PIK3C2G: variants seen among roughly 807,000 people sequenced by gnomAD.
PIK3C2G encodes the protein phosphatidylinositol 3-kinase C2 domain-containing subunit gamma.
In PIK3C2G, 168 loss-of-function variants were observed where a neutral mutation model predicts 181.1. The ratio of observed to expected loss-of-function variants is 0.93; its 90% confidence interval spans 0.82 to 1.05. The LOEUF is 1.05. PIK3C2G is among the 50% of genes least tolerant of loss of function. PIK3C2G has a pLI of 0.00. For missense variants in PIK3C2G, 1,869 were observed against 1,732.8 expected (o/e 1.08, Z -1.40); for synonymous variants, 573 against 592.2 (o/e 0.97, Z 0.47).
the PIK3C2G span, among the ~76,000 whole-genome samples, chr12:18,720,039 T>G: frequency 6.6e-6 from 1 of 152,118 alleles, no homozygotes; most frequent in African/African-American, 2.4e-5. Flanking sequence ...GTATATCAAC[T>G]GATCTGACTT....
At chr12:18,313,612 AAACT>A (rs1287785231) in intron 5 of PIK3C2G, among the ~76,000 whole-genome samples, 3 of 152,110 alleles carry the variant, frequency 2.0e-5, no homozygotes, top group Non-Finnish European at 4.4e-5. Context: ...TGGCTGGGTA[AAACT>A]AACTTAGAAT....
chr12:18,653,191 G>A (rs966012511), downstream of PIK3C2G, among the ~76,000 whole-genome samples: 4 of 152,108 alleles, frequency 2.6e-5, no homozygotes, highest in African/African-American at 9.7e-5. Flanking sequence ...TCCCAGCATT[G>A]GCAGCATGGT....
At chr12:18,443,970 C>T (rs1405239995) in intron 18 of PIK3C2G, among the ~76,000 whole-genome samples, 1 of 149,726 alleles carries the variant, frequency 6.7e-6, no homozygotes, top group Non-Finnish European at 1.5e-5. Flanking sequence ...TATGCAAATA[C>T]TCCAGGCCTG....
intron 11 of PIK3C2G, among the ~76,000 whole-genome samples, chr12:18,352,619 G>A (rs1037046923): frequency 7.9e-5 from 12 of 152,330 alleles, no homozygotes; most frequent in African/African-American, 1.9e-4. Context: ...CCTCTGCATC[G>A]CGAGCTGTTG....
At chr12:18,522,212 C>T (rs979125170) in intron 24 of PIK3C2G, among the ~76,000 whole-genome samples, 1 of 152,210 alleles carries the variant, frequency 6.6e-6, no homozygotes, top group Non-Finnish European at 1.5e-5. Flanking sequence ...TAATTTGTAT[C>T]TCTTAACAAT....
At chr12:18,630,556 T>C (rs1159789292) in intron 31 of PIK3C2G, among the ~76,000 whole-genome samples, 1 of 150,642 alleles carries the variant, frequency 6.6e-6, no homozygotes, top group Non-Finnish European at 1.5e-5. Flanking sequence ...GAATAACCAA[T>C]GGAGCAAAGC....
In PIK3C2G at chr12:18,648,348, A is replaced by G. The variant is rs1353201670; in HGVS notation, c.*320A>G. ...ACATTTGTTTTAATTGTGTGCCTAC[A>G]GTTAAAAGCAGTATTTTTAATGTAT... On this transcript the variant is annotated 3_prime_UTR_variant, in exon 33 of 33. Coordinates refer to ENST00000538779, the MANE Select transcript of PIK3C2G (RefSeq NM_001288772.2). 1 of 227,650 alleles carries G rather than the reference A, an allele frequency of 4.4e-6. No individual in the cohort carries two copies. Among genetic ancestry groups the G allele is most frequent in the African/African-American group, 2.2e-5 (1 of 45,042 alleles). 14.1% of individuals were successfully genotyped at this position (227,650 alleles called of 1,614,324 possible).
intron 26 of PIK3C2G, among the ~76,000 whole-genome samples, chr12:18,555,106 T>C (rs1434356238): frequency 6.6e-6 from 1 of 152,142 alleles, no homozygotes; most frequent in Non-Finnish European, 1.5e-5. Flanking sequence ...ATGAGAAATA[T>C]TTTCCTGTGA....
intron 18 of PIK3C2G, among the ~76,000 whole-genome samples, chr12:18,439,642 A>C (rs905780723): frequency 6.6e-6 from 1 of 151,938 alleles, no homozygotes; most frequent in Admixed American, 6.6e-5. Context: ...CACTTGCAAA[A>C]TGTCTCATGA....
chr12:18,617,816 C>T (rs1181338134), intron 31 of PIK3C2G, among the ~76,000 whole-genome samples: 1 of 152,052 alleles, frequency 6.6e-6, no homozygotes, highest in Non-Finnish European at 1.5e-5. Flanking sequence ...CATTACCTAG[C>T]TAAATGAAAG....
chr12:18,327,145 T>C (rs1307246739), intron 8 of PIK3C2G, among the ~76,000 whole-genome samples: 1 of 152,104 alleles, frequency 6.6e-6, no homozygotes, highest in Non-Finnish European at 1.5e-5. Flanking sequence ...TAAATTATTT[T>C]ATAAATAGGT....
intron 30 of PIK3C2G, among the ~76,000 whole-genome samples, chr12:18,605,209 A>G (rs1947953749): frequency 6.6e-6 from 1 of 152,202 alleles, no homozygotes; most frequent in Admixed American, 6.5e-5. Flanking sequence ...AGATATTACA[A>G]CAGATACCAC....
intron 15 of PIK3C2G, among the ~76,000 whole-genome samples, 153 bp downstream of exon 15, chr12:18,391,405 G>C (rs577652448): frequency 1.3e-5 from 2 of 152,230 alleles, no homozygotes; most frequent in African/African-American, 4.8e-5. Flanking sequence ...GTTAATTAAT[G>C]TTTAGGACGT....
At chr12:18,696,326 A>ATATATATATATATATATATATATAGCCAC in the PIK3C2G span, 1 of 50,092 alleles carries the variant, frequency 2.0e-5, no homozygotes, top group Non-Finnish European at 5.6e-5. Context: ...AAGCCACTAT[A>ATATATATATATATATATATATATAGCCAC]TATATATATA....
chr12:18,593,431 C>T (rs1418636931), intron 29 of PIK3C2G, among the ~76,000 whole-genome samples: 1 of 151,642 alleles, frequency 6.6e-6, no homozygotes, highest in Admixed American at 6.6e-5. Flanking sequence ...CAGTCATTAG[C>T]AGAGAAGGAG....
At chr12:18,428,024 C>T (rs1011712982) in intron 18 of PIK3C2G, among the ~76,000 whole-genome samples, 2 of 151,936 alleles carry the variant, frequency 1.3e-5, no homozygotes, top group Non-Finnish European at 2.9e-5. Flanking sequence ...TATTTCATCA[C>T]CCAGGTATTA....
intron 24 of PIK3C2G, among the ~76,000 whole-genome samples, chr12:18,521,559 G>T (rs1942916091): frequency 6.6e-6 from 1 of 152,214 alleles, no homozygotes; most frequent in South Asian, 2.1e-4. Flanking sequence ...GTGTTGGGCT[G>T]TGGGGTATAC....
chr12:18,644,127 C>T (rs1949991573), intron 32 of PIK3C2G, among the ~76,000 whole-genome samples: 1 of 152,210 alleles, frequency 6.6e-6, no homozygotes, highest in Non-Finnish European at 1.5e-5. Context: ...TGATGCAGGG[C>T]CAAGCTTGTC....
chr12:18,568,520 C>T (rs1211495056), intron 29 of PIK3C2G, among the ~76,000 whole-genome samples: 2 of 151,856 alleles, frequency 1.3e-5, no homozygotes, highest in Non-Finnish European at 2.9e-5. Context: ...GCTGGCAGGC[C>T]GGAGACCAGA....
Sources: allele counts gnomAD v4.1 joint callset (sites outside exome capture counted in the v4.1 genomes callset), GRCh38; gene constraint gnomAD v4.1.1; transcripts MANE v1.5; gene names NCBI Gene and HGNC (gene_info 2026-07-23, HGNC 2026-07-21).